TCF20: variants seen among roughly 807,000 people sequenced by gnomAD.
TCF20 encodes the protein transcription factor 20.
Under a neutral mutation model 148.6 loss-of-function variants are expected in TCF20, and 3 were observed. The ratio of observed to expected loss-of-function variants is 0.02; its 90% CI spans 0.01 to 0.05. The LOEUF (loss-of-function observed/expected upper bound fraction) is 0.05. Ranked by LOEUF, TCF20 falls within the 10% of genes least tolerant of loss-of-function variation. TCF20 has a pLI of 1.00. For synonymous variants in TCF20, 1,049 were observed against 909.5 expected, an observed-to-expected ratio of 1.15 and a Z score of -2.76; for missense variants, 2,350 against 2,429.3, an observed-to-expected ratio of 0.97 and a Z score of 0.69.
Position 42,295,513 on chromosome 22 carries a change from G to A in TCF20, c.-37+47966C>T, listed in dbSNP as rs1330477737. 4.0e-5 allele frequency among the ~76,000 whole-genome samples: 6 copies of A among 148,926 alleles called. No individual in the cohort carries two copies. The East Asian group carries it at 5.9e-4, about 15-fold the overall frequency. On this transcript the variant is annotated intron_variant, in intron 1 of 1. Transcript: ENST00000515426. ...GGCTGGAGTGCAATGGCACAATCTC[G>A]GCTCACTGCAACCTCCGCCTCCCAG... is the stretch of plus-strand genomic sequence containing the variant.
chr22:42,243,473 G>A (rs571076810), intron 1 of TCF20, among the ~76,000 whole-genome samples: 62 of 151,836 alleles, frequency 4.1e-4, no homozygotes, highest in Admixed American at 1.1e-3. Flanking sequence ...ATGGTGGTGG[G>A]TGCCTGTAAT....
At chr22:42,315,501 C>G (rs1927612737) in intron 1 of TCF20, among the ~76,000 whole-genome samples, 1 of 152,206 alleles carries the variant, frequency 6.6e-6, no homozygotes, top group Non-Finnish European at 1.5e-5. Flanking sequence ...AGAGCAACAT[C>G]CACTCCCTTG....
At chr22:42,257,979 A>G (rs560966910) in intron 1 of TCF20, among the ~76,000 whole-genome samples, 8 of 152,214 alleles carry the variant, frequency 5.3e-5, no homozygotes, top group Non-Finnish European at 5.9e-5. Context: ...GAAATAATTT[A>G]CAAGTCACTG....
At chr22:42,203,708 G>A (rs1311800163) in intron 2 of TCF20, among the ~76,000 whole-genome samples, 1 of 152,200 alleles carries the variant, frequency 6.6e-6, no homozygotes, top group Non-Finnish European at 1.5e-5. Context: ...AATGAAGATG[G>A]GTCCCAGCAG....
Position 42,325,422 on chromosome 22 carries a change from G to C in TCF20, c.-37+18057C>G, listed in dbSNP as rs1298996179. Among the ~76,000 whole-genome samples, 4 of 152,338 alleles carry C rather than the reference G, an allele frequency of 2.6e-5. No individual in the cohort carries two copies. The East Asian group carries it at 7.7e-4, about 29-fold the overall frequency. ...CCCTTGGGGCCAGGCCCACGTGACT[G>C]TCACAGCAAGACCACCCTTTCCTGC... On this transcript the variant is annotated intron_variant, in intron 1 of 1. Coordinates refer to the TCF20 transcript ENST00000515426.
At chr22:42,325,045 T>C (rs1193412607) in intron 1 of TCF20, among the ~76,000 whole-genome samples, 1 of 152,260 alleles carries the variant, frequency 6.6e-6, no homozygotes, top group Non-Finnish European at 1.5e-5. Context: ...CCCACCCTGC[T>C]GGGACTCAGG....
chr22:42,321,051 G>A (rs1174420121), intron 1 of TCF20, among the ~76,000 whole-genome samples: 2 of 152,242 alleles, frequency 1.3e-5, no homozygotes, highest in African/African-American at 2.4e-5. Context: ...ATACACAGGA[G>A]TCAGGCAACG....
At position 42,279,404 on chromosome 22, in the gene TCF20, G is replaced by C. The variant is rs903569162; in HGVS notation, c.-37+4423C>G. Among the ~76,000 whole-genome samples the C allele has an allele frequency of 6.6e-6, 1 of 152,156 alleles. No homozygotes were observed. The highest frequency in any genetic ancestry group is 1.9e-4 in the East Asian group (1 of 5,204). ...AGGCTGGAGAATCACTTGAACCTGG[G>C]AGGCAGAGGTTGCAGTGAGCAGAGA... On this transcript the variant is annotated intron_variant, in intron 1 of 5. Transcript: ENST00000359486. This position sits in a 1 kb window ranked among gnomAD's most constrained non-coding sequence, Gnocchi z 4.3.
intron 1 of TCF20, among the ~76,000 whole-genome samples, chr22:42,331,395 C>T (rs527557906): frequency 3.6e-4 from 55 of 152,232 alleles, no homozygotes; most frequent in Non-Finnish European, 7.2e-4. Context: ...GGGACAATCA[C>T]AACAGTCACT....
At chr22:42,180,164 G>A (rs555362854) in intron 2 of TCF20, among the ~76,000 whole-genome samples, 1 of 152,192 alleles carries the variant, frequency 6.6e-6, no homozygotes, top group South Asian at 2.1e-4. Flanking sequence ...AATTAGAAGT[G>A]GAATTTGGTT....
chr22:42,257,323 T>A (rs1416206492), intron 1 of TCF20, among the ~76,000 whole-genome samples: 4 of 152,224 alleles, frequency 2.6e-5, no homozygotes, highest in Non-Finnish European at 4.4e-5. Flanking sequence ...CTTTACTGAT[T>A]TTAGTTACTC....
At chr22:42,183,170 C>T (rs1482894596) in intron 2 of TCF20, among the ~76,000 whole-genome samples, 1 of 152,134 alleles carries the variant, frequency 6.6e-6, no homozygotes, top group Non-Finnish European at 1.5e-5. Context: ...AAAAAGAAAC[C>T]CAGAGAGACA....
chr22:42,288,982 C>T (rs1164750402), upstream of TCF20, among the ~76,000 whole-genome samples: 2 of 152,160 alleles, frequency 1.3e-5, no homozygotes, highest in Non-Finnish European at 2.9e-5. Context: ...GTTTCCTTGC[C>T]CTTAAGTGAA....
rs1042878104 is a variant in TCF20 at position 42,299,299 on chromosome 22, C to A, written c.-37+44180G>T. Among the ~76,000 whole-genome samples the A allele has an allele frequency of 2.0e-5, 3 of 152,054 alleles. No homozygotes were observed. The highest frequency in any genetic ancestry group is 7.2e-5 in the African/African-American group (3 of 41,380). On this transcript the variant is annotated intron_variant, in intron 1 of 1. Coordinates refer to the TCF20 transcript ENST00000515426. The surrounding 1 kb of genome is among the most constrained non-coding windows in gnomAD (Gnocchi z 4.1). ...CCATGTCTGGCTGGGGGTGCAGGAA[C>A]TGAGGGTCCTTCCCAGCCCCTCTCC...
intron 5 of TCF20, among the ~76,000 whole-genome samples, chr22:42,164,219 T>G (rs1245810093): frequency 7.1e-6 from 1 of 141,036 alleles, no homozygotes; most frequent in African/African-American, 2.7e-5. Context: ...TTTCTTTTTT[T>G]TTTTTTTTTT....
At chr22:42,337,691 G>C (rs1353180066) in intron 1 of TCF20, among the ~76,000 whole-genome samples, 1 of 152,236 alleles carries the variant, frequency 6.6e-6, no homozygotes, top group Non-Finnish European at 1.5e-5. Context: ...GAGCAAAAAA[G>C]AGAACATGTT....
intron 1 of TCF20, among the ~76,000 whole-genome samples, chr22:42,240,289 T>C (rs894400269): frequency 6.6e-6 from 1 of 152,158 alleles, no homozygotes; most frequent in Non-Finnish European, 1.5e-5. Flanking sequence ...TAGTGAGTCT[T>C]AAAGCACCCA....
intron 1 of TCF20, among the ~76,000 whole-genome samples, chr22:42,250,470 G>C (rs1346492377): frequency 1.0e-5 from 1 of 99,212 alleles, no homozygotes; most frequent in Non-Finnish European, 2.4e-5. Flanking sequence ...AAAAAAAAAG[G>C]TGAACCTTCA....
At position 42,258,364 on chromosome 22, in the gene TCF20, C is replaced by T. The variant is rs149517469; in HGVS notation, c.-37+11975G>A. Among the ~76,000 whole-genome samples the T allele has an allele frequency of 2.6e-3, 393 of 152,194 alleles. 3 individuals carry two copies. The highest frequency in any genetic ancestry group is 8.8e-3 in the African/African-American group (367 of 41,538). On this transcript the variant is annotated intron_variant, in intron 1 of 5. Coordinates refer to ENST00000677622, the MANE Select transcript of TCF20 (RefSeq NM_001378418.1). ...TGCTTCTCACCCACACACCTCTGCT[C>T]GCACCTCTGCTCTCCTGTGGGAGAA...
Sources: gnomAD v4.1 joint callset for allele counts (sites outside exome capture counted in the v4.1 genomes callset) on GRCh38, gnomAD v4.1.1 for gene constraint, Gnocchi (gnomAD v3.1) non-coding constraint, MANE v1.5 for transcripts, NCBI Gene and HGNC (gene_info 2026-07-23, HGNC 2026-07-21) for gene names.